Variants in HEATR3 observed in about 807,000 individuals in gnomAD.
The protein encoded by HEATR3 is HEAT repeat-containing protein 3.
A neutral mutation model predicts 72.8 loss-of-function variants in HEATR3; 56 were observed. The ratio of observed to expected loss-of-function variants is 0.77; its 90% CI spans 0.62 to 0.96. The LOEUF (loss-of-function observed/expected upper bound fraction) is 0.96, where lower values mean the gene tolerates loss of function less well. HEATR3 is among the 40% of genes least tolerant of loss of function. HEATR3 has a pLI of 0.00. For missense variants in HEATR3, 747 were observed against 831.4 expected (o/e 0.90, Z 1.25); for synonymous variants, 331 against 318.1 (o/e 1.04, Z -0.43).
At chr16:50,081,670 C>T (rs2036870611) in intron 7 of HEATR3, among the ~76,000 whole-genome samples, 1 of 152,184 alleles carries the variant, frequency 6.6e-6, no homozygotes, top group African/African-American at 2.4e-5. Context: ...CTGTGGTCTT[C>T]CACACTATCC....
chr16:50,093,210 G>A (rs535981033), intron 11 of HEATR3, among the ~76,000 whole-genome samples: 19 of 152,276 alleles, frequency 1.2e-4, no homozygotes, highest in East Asian at 7.7e-4. Context: ...CCTAAAAGTG[G>A]GGGATCGGAA....
intron 11 of HEATR3, among the ~76,000 whole-genome samples, chr16:50,089,448 A>C (rs1480848848): frequency 6.6e-6 from 1 of 152,178 alleles, no homozygotes; most frequent in Non-Finnish European, 1.5e-5. Context: ...TGCTGGGGGA[A>C]GAGGGCCATT....
intron 4 of HEATR3, 40 bp downstream of exon 4, chr16:50,070,330 A>T: frequency 1.0e-6 from 1 of 999,056 alleles, no homozygotes; most frequent in Non-Finnish European, 1.6e-6. Flanking sequence ...CTATAGCAGT[A>T]CCCAGGCTGC....
At chr16:50,102,178 A>C in intron 13 of HEATR3, 81 bp from the exon 14 acceptor site, 1 of 1,153,918 alleles carries the variant, frequency 8.7e-7, no homozygotes, top group Non-Finnish European at 1.3e-6. Context: ...AATAGTATGC[A>C]TGAGTTATTG....
chr16:50,081,510 TG>T (rs1399040766), intron 7 of HEATR3, among the ~76,000 whole-genome samples: 2 of 151,520 alleles, frequency 1.3e-5, no homozygotes, highest in East Asian at 1.9e-4. Flanking sequence ...TGGGCGGTGG[TG>T]GGGCGGGGGG....
intron 3 of HEATR3, chr16:50,069,144 C>T (rs2036559267): frequency 8.0e-6 from 2 of 249,274 alleles, no homozygotes; most frequent in Admixed American, 4.9e-5. Flanking sequence ...AGTATTTAGT[C>T]ATTGCTTATT....
chr16:50,077,289 C>T (rs1027156379), intron 6 of HEATR3, among the ~76,000 whole-genome samples: 6 of 151,848 alleles, frequency 4.0e-5, no homozygotes, highest in Non-Finnish European at 2.9e-5. Flanking sequence ...GGATTACAGG[C>T]GTGAGCCACA....
In HEATR3 at chr16:50,087,807, A is replaced by G. The variant is rs141707771; in HGVS notation, c.1510+1456A>G. Among the ~76,000 whole-genome samples the G allele has an allele frequency of 3.9e-3, 592 of 152,290 alleles. 6 individuals are homozygous for G. Among genetic ancestry groups the G allele is most frequent in the African/African-American group, 0.014 (572 of 41,574 alleles). On this transcript the variant is annotated intron_variant, in intron 11 of 14. Coordinates refer to ENST00000299192, the MANE Select transcript of HEATR3 (RefSeq NM_182922.4). ...ATATATTTTATCCTCCTTTTCAGACACAACATTAAGTCCAAGAATTGAACT... is the reference window on the plus strand; with the variant it reads ...ATATATTTTATCCTCCTTTTCAGACGCAACATTAAGTCCAAGAATTGAACT...
intron 2 of HEATR3, among the ~76,000 whole-genome samples, chr16:50,068,153 G>T (rs2036538553): frequency 6.6e-6 from 1 of 152,146 alleles, no homozygotes; most frequent in East Asian, 1.9e-4. Flanking sequence ...GGCACATTGT[G>T]AGGGCATCTT....
intron 11 of HEATR3, among the ~76,000 whole-genome samples, chr16:50,088,695 C>G (rs1050521889): frequency 6.6e-6 from 1 of 152,212 alleles, no homozygotes; most frequent in Non-Finnish European, 1.5e-5. Context: ...GCAAGATGTC[C>G]TGTGGGGTGG....
intron 11 of HEATR3, among the ~76,000 whole-genome samples, chr16:50,087,404 G>A (rs982263134): frequency 6.6e-6 from 1 of 151,692 alleles, no homozygotes; most frequent in Non-Finnish European, 1.5e-5. Context: ...TCACTTGGAG[G>A]GAAAAACAAA....
At chr16:50,084,512 G>T in intron 9 of HEATR3, 57 bp from the exon 10 acceptor site, 1 of 1,272,344 alleles carries the variant, frequency 7.9e-7, no homozygotes, top group Non-Finnish European at 1.1e-6. Flanking sequence ...TTATGTAAGG[G>T]AATCGTGTTA....
At chr16:50,083,813 C>CGTGTG in intron 7 of HEATR3, 124 bp from the exon 8 acceptor site, 1 of 721,560 alleles carries the variant, frequency 1.4e-6, no homozygotes, top group Non-Finnish European at 2.3e-6. Flanking sequence ...TTTACCTACC[C>CGTGTG]CATTCCCCGT....
At position 50,105,184 on chromosome 16, in the gene HEATR3, G is replaced by A; in HGVS notation, c.*123G>A. The A allele has an allele frequency of 8.7e-7, 1 of 1,154,480 alleles. No individual in the cohort carries two copies. The highest frequency in any genetic ancestry group is 2.5e-5 in the East Asian group (1 of 39,218). The allele number at this position is 1,154,480 out of a possible 1,614,324, so 71.5% of individuals were successfully genotyped here. A position where few individuals can be genotyped will look rare whatever the true frequency, so the allele number is the denominator to read the frequency against. On this transcript the variant is annotated 3_prime_UTR_variant, in exon 15 of 15. Coordinates refer to ENST00000299192, the MANE Select transcript of HEATR3 (RefSeq NM_182922.4). ...TTAATGATTACATTCTGTACATTCT[G>A]TAAAAACTTCAAAACCTGGCCAGGC...
chr16:50,080,337 C>G (rs974845474), intron 7 of HEATR3: 2 of 150,028 alleles, frequency 1.3e-5, no homozygotes, highest in African/African-American at 5.0e-5. Flanking sequence ...TTGAGTTGCT[C>G]ACAGATTTTT....
In HEATR3 at chr16:50,105,495, G is replaced by A. The variant is rs2150634346; in HGVS notation, c.*434G>A. On this transcript the variant is annotated 3_prime_UTR_variant, in exon 15 of 15. Transcript: ENST00000299192. ...AAAAAAAAAAAAAACTTCAAAACCTGTCAGAAACTCTGTTGCTGGTTTTTT... is the reference window on the plus strand; with the variant it reads ...AAAAAAAAAAAAAACTTCAAAACCTATCAGAAACTCTGTTGCTGGTTTTTT... 6.5e-6 allele frequency: 1 copy of A among 153,342 alleles called. No homozygotes were observed. Among genetic ancestry groups the A allele is most frequent in the South Asian group, 2.0e-4 (1 of 4,992 alleles). The allele number at this position is 153,342 out of a possible 1,614,324, so 9.5% of individuals were successfully genotyped here. A position where few individuals can be genotyped will look rare whatever the true frequency, so the allele number is the denominator to read the frequency against.
At position 50,086,271 on chromosome 16, in the gene HEATR3, TG is replaced by T; in HGVS notation, c.1432del (p.Asp478MetfsTer35). Reference protein sequence around the residue: ...LFCLQSLVSLLDVEHLGGAAA... With the variant: ...LFCLQSLVSLXDVEHLGGAAA... ...TGTCTCCAGAGTCTTGTGTCCCTCCTGGATGTGGAGCACCTGGGAGGAGCCG... is the reference window on the plus strand; with the variant it reads ...TGTCTCCAGAGTCTTGTGTCCCTCCTGATGTGGAGCACCTGGGAGGAGCCG... On this transcript the variant is annotated frameshift_variant, in exon 11 of 15. Transcript: ENST00000299192. LOFTEE classifies it high-confidence loss of function. The T allele has an allele frequency of 6.3e-7, 1 of 1,585,028 alleles. No individual in the cohort carries two copies. Among genetic ancestry groups the T allele is most frequent in the South Asian group, 1.1e-5 (1 of 87,628 alleles).
Position 50,068,794 on chromosome 16 carries a change from G to C in HEATR3, c.326G>C (p.Cys109Ser), listed in dbSNP as rs757100619. 1.2e-6 allele frequency: 2 copies of C among 1,613,632 alleles called. No homozygotes were observed. The highest frequency in any genetic ancestry group is 1.7e-6 in the Non-Finnish European group (2 of 1,179,686). The change falls in exon 3 of 15, where the codon TGT (cysteine) becomes TCT (serine). Residue 109 changes from cysteine to serine, a missense_variant. Cys to Ser is a moderately radical substitution (Grantham distance 112). Around this residue, in one of 2 missense-constraint regions of HEATR3, gnomAD observed 586 missense variants for 708.8 expected, o/e 0.83. Coordinates refer to ENST00000299192, the MANE Select transcript of HEATR3 (RefSeq NM_182922.4). Reference protein sequence around the residue: ...AAGALRNLSACGGFEVCDDMV... With the variant: ...AAGALRNLSASGGFEVCDDMV... ...TTCTTGTGTAGAAATCTCAGTGCTTGTGGAGGTTTTGAAGTTTGTGATGAC... is the reference window on the plus strand; with the variant it reads ...TTCTTGTGTAGAAATCTCAGTGCTTCTGGAGGTTTTGAAGTTTGTGATGAC...
chr16:50,081,337 T>C (rs1240077039), intron 7 of HEATR3, among the ~76,000 whole-genome samples: 1 of 152,098 alleles, frequency 6.6e-6, no homozygotes, highest in East Asian at 1.9e-4. Flanking sequence ...CCACTCAACT[T>C]GGAAGGCTGA....
Sources: allele counts gnomAD v4.1 joint callset (sites outside exome capture counted in the v4.1 genomes callset), GRCh38; gene constraint gnomAD v4.1.1; regional missense constraint gnomAD v4.1.1; transcripts MANE v1.5; gene names NCBI Gene and HGNC (gene_info 2026-07-23, HGNC 2026-07-21).